BACH2: variants seen among roughly 807,000 people sequenced by gnomAD.
BACH2 encodes the protein BACH transcriptional regulator 2.
A neutral mutation model predicts 61.8 loss-of-function variants in BACH2; 5 were observed. The observed-to-expected ratio is 0.08, with a 90% CI of 0.04 to 0.17. The LOEUF is 0.17. Ranked by LOEUF, BACH2 falls within the 10% of genes least tolerant of loss-of-function variation. The pLI is 1.00. For synonymous variants in BACH2, 446 were observed against 440.1 expected, an observed-to-expected ratio of 1.01 and a Z score of -0.17; for missense variants, 824 against 1,091.1, an observed-to-expected ratio of 0.76 and a Z score of 3.45.
At chr6:90,150,794 C>T (rs1040213998) in intron 4 of BACH2, among the ~76,000 whole-genome samples, 2 of 152,146 alleles carry the variant, frequency 1.3e-5, no homozygotes, top group Admixed American at 1.3e-4. Flanking sequence ...TGGTCAATGG[C>T]TGGGAGTAGC....
intron 3 of BACH2, among the ~76,000 whole-genome samples, chr6:90,252,174 G>A (rs950331208): frequency 2.6e-5 from 4 of 152,096 alleles, no homozygotes; most frequent in Admixed American, 6.5e-5. Context: ...AAGACTGCCC[G>A]GGTATCCTTT....
At chr6:90,073,823 C>T (rs1781353215) in intron 5 of BACH2, among the ~76,000 whole-genome samples, 1 of 152,180 alleles carries the variant, frequency 6.6e-6, no homozygotes, top group African/African-American at 2.4e-5. Flanking sequence ...CCATGCTCCA[C>T]CCATGTCAGA....
intron 6 of BACH2, among the ~76,000 whole-genome samples, chr6:89,977,422 G>C (rs776440174): frequency 3.5e-4 from 53 of 152,160 alleles, no homozygotes; most frequent in Non-Finnish European, 1.5e-4. Context: ...AATGATGCTG[G>C]TTCCAGTTCA....
intron 5 of BACH2, among the ~76,000 whole-genome samples, chr6:90,010,175 AC>A (rs1777632088): frequency 6.6e-6 from 1 of 152,186 alleles, no homozygotes; most frequent in Admixed American, 6.5e-5. Context: ...TAACTGTGAA[AC>A]CATCATCACA....
rs145469482 is a variant in BACH2 at position 90,109,888 on chromosome 6, T to C, written c.-161-20779A>G. ...AAAGAGTTCTTGATTATGTGGGTTA[T>C]AGCTATTGATATGTGCCATATTAGA... On this transcript the variant is annotated intron_variant, in intron 4 of 8. Coordinates refer to ENST00000257749, the MANE Select transcript of BACH2 (RefSeq NM_021813.4). 3.6e-3 allele frequency among the ~76,000 whole-genome samples: 542 copies of C among 152,314 alleles called. 5 individuals are homozygous for C. Among genetic ancestry groups the C allele is most frequent in the African/African-American group, 0.013 (527 of 41,572 alleles).
At chr6:90,077,687 T>G (rs1345008655) in intron 5 of BACH2, among the ~76,000 whole-genome samples, 1 of 152,160 alleles carries the variant, frequency 6.6e-6, no homozygotes, top group African/African-American at 2.4e-5. Flanking sequence ...TTAAGAAAAC[T>G]AAGCCACCAC....
intron 3 of BACH2, among the ~76,000 whole-genome samples, chr6:90,235,630 C>T (rs1582516967): frequency 6.6e-6 from 1 of 151,920 alleles, no homozygotes; most frequent in South Asian, 2.1e-4. Flanking sequence ...TGAGCCTGGG[C>T]GATATAGTGA....
chr6:90,023,159 G>A (rs759159718), intron 5 of BACH2, among the ~76,000 whole-genome samples: 3 of 152,098 alleles, frequency 2.0e-5, no homozygotes, highest in African/African-American at 4.8e-5. Flanking sequence ...ATTCAAAAAT[G>A]GATAAAAAAC....
chr6:90,158,751 G>C (rs199936002), intron 4 of BACH2, among the ~76,000 whole-genome samples: 1 of 118,378 alleles, frequency 8.4e-6, no homozygotes, highest in East Asian at 2.4e-4. Context: ...GTCTCCCTCT[G>C]TGTCTTCTTT....
At chr6:89,952,166 C>A (rs1774168585) in intron 6 of BACH2, 2 of 365,908 alleles carry the variant, frequency 5.5e-6, no homozygotes, top group Admixed American at 8.6e-5. Flanking sequence ...GGCAAAAATG[C>A]ACGGTGACAA....
chr6:90,061,307 T>C (rs907354490), intron 5 of BACH2, among the ~76,000 whole-genome samples: 1 of 152,098 alleles, frequency 6.6e-6, no homozygotes. Context: ...TTTTGATAGT[T>C]TGGATGTGGA....
At position 90,040,013 on chromosome 6, in the gene BACH2, CTTCT is replaced by C. The variant is rs375142243; in HGVS notation, c.-12-31161_-12-31158del. 6.1e-3 allele frequency among the ~76,000 whole-genome samples: 859 copies of C among 140,390 alleles called. 7 individuals are homozygous for C. The highest frequency in any genetic ancestry group is 0.021 in the African/African-American group (799 of 37,792). 92.1% of individuals were successfully genotyped at this position (140,390 alleles called of 152,430 possible). ...TAGATGAGTTGCAAAAATATTTTTCCTTCTTTGTCACTTTTTTTTTTTTTTGGCC... is the reference window on the plus strand; with the variant it reads ...TAGATGAGTTGCAAAAATATTTTTCCTTGTCACTTTTTTTTTTTTTTGGCC... On this transcript the variant is annotated intron_variant, in intron 5 of 8. Transcript: ENST00000257749.
At chr6:90,278,833 A>T (rs1286040501) in intron 1 of BACH2, among the ~76,000 whole-genome samples, 1 of 152,236 alleles carries the variant, frequency 6.6e-6, no homozygotes. Flanking sequence ...AGACTAAATC[A>T]GCACTTTGAA....
intron 7 of BACH2, among the ~76,000 whole-genome samples, chr6:89,944,128 T>A (rs1365758482): frequency 6.6e-6 from 1 of 152,250 alleles, no homozygotes; most frequent in Non-Finnish European, 1.5e-5. Context: ...TGGGATTCAG[T>A]TGTGATACGT....
chr6:89,960,383 T>C (rs1367508392), intron 6 of BACH2, among the ~76,000 whole-genome samples: 3 of 152,236 alleles, frequency 2.0e-5, no homozygotes, highest in Non-Finnish European at 1.5e-5. Context: ...TCAACTCTCA[T>C]GCTCCCTTTC....
At chr6:90,295,644 T>G (rs557625700) in intron 1 of BACH2, among the ~76,000 whole-genome samples, 1 of 144,020 alleles carries the variant, frequency 6.9e-6, no homozygotes, top group East Asian at 2.1e-4. Flanking sequence ...GCTTGGAGAC[T>G]GGAGTGTAGG....
intron 4 of BACH2, among the ~76,000 whole-genome samples, chr6:90,130,630 T>C (rs895196445): frequency 1.3e-5 from 2 of 152,246 alleles, no homozygotes; most frequent in Non-Finnish European, 2.9e-5. Context: ...CATGGACTTC[T>C]ATCTACCTCC....
At chr6:90,295,452 C>T (rs572181298) in intron 1 of BACH2, among the ~76,000 whole-genome samples, 2 of 152,228 alleles carry the variant, frequency 1.3e-5, no homozygotes, top group African/African-American at 4.8e-5. Context: ...TCGCTCCAGT[C>T]TCTCCCCTCG....
chr6:90,034,190 TA>T (rs1325804844), intron 5 of BACH2, among the ~76,000 whole-genome samples: 3 of 152,196 alleles, frequency 2.0e-5, no homozygotes, highest in Non-Finnish European at 4.4e-5. Flanking sequence ...ATACCAACCG[TA>T]TCTAATGTAT....
Sources: allele counts gnomAD v4.1 joint callset (sites outside exome capture counted in the v4.1 genomes callset), GRCh38; gene constraint gnomAD v4.1.1; transcripts MANE v1.5; gene names NCBI Gene and HGNC (gene_info 2026-07-23, HGNC 2026-07-21).